The following ITPR2 variants were observed in gnomAD, a reference collection of about 807,000 sequenced individuals.
ITPR2 encodes inositol 1,4,5-trisphosphate receptor type 2.
Under a neutral mutation model 317.1 loss-of-function variants are expected in ITPR2, and 207 were observed. That is an observed-to-expected ratio of 0.65 (90% CI 0.58 to 0.73). The LOEUF (loss-of-function observed/expected upper bound fraction) is 0.73, where lower values mean the gene tolerates loss of function less well. Ranked by LOEUF, ITPR2 falls within the 30% of genes least tolerant of loss-of-function variation. ITPR2 has a pLI of 0.00. For missense variants in ITPR2, 2,613 were observed against 3,284.0 expected (o/e 0.80, Z 4.99); for synonymous variants, 1,156 against 1,149.1 (o/e 1.01, Z -0.12).
At chr12:26,790,273 C>G in intron 1 of ITPR2, 46 bp from the exon 2 acceptor site, 1 of 1,423,580 alleles carries the variant, frequency 7.0e-7, no homozygotes. Context: ...TTGTCATATT[C>G]ATAAACCACA....
rs1031536493 is a variant in ITPR2 at position 26,355,963 on chromosome 12, C to T, written c.7858-15635G>A. Among the ~76,000 whole-genome samples, 17 of 152,186 alleles carry T rather than the reference C, an allele frequency of 1.1e-4. 1 individual carries two copies. The highest frequency in any genetic ancestry group is 1.1e-3 in the Admixed American group (17 of 15,274). On this transcript the variant is annotated intron_variant, in intron 55 of 56. Coordinates refer to ENST00000381340, the MANE Select transcript of ITPR2 (RefSeq NM_002223.4). ...TTCCCATTAGCATCAGAGACCTAAA[C>T]ATTCTTCACTAGATTTTTCAAACAG...
chr12:26,683,782 C>T (rs1948079837), intron 11 of ITPR2, among the ~76,000 whole-genome samples: 1 of 152,214 alleles, frequency 6.6e-6, no homozygotes, highest in Non-Finnish European at 1.5e-5. Flanking sequence ...CCTAGAACTT[C>T]ATCCTACTCA....
intron 22 of ITPR2, 139 bp from the exon 23 acceptor site, chr12:26,628,301 A>G (rs1555168792): frequency 1.7e-6 from 1 of 588,544 alleles, no homozygotes; most frequent in Non-Finnish European, 2.9e-6. Flanking sequence ...CAGTTGCCAC[A>G]TGTTTGTCAG....
intron 26 of ITPR2, among the ~76,000 whole-genome samples, chr12:26,611,083 C>G (rs1359123560): frequency 6.6e-6 from 1 of 152,246 alleles, no homozygotes; most frequent in Non-Finnish European, 1.5e-5. Flanking sequence ...ACAAACTGTT[C>G]CGGCACCAGG....
At chr12:26,569,891 G>A (rs564703985) in intron 34 of ITPR2, among the ~76,000 whole-genome samples, 93 of 152,322 alleles carry the variant, frequency 6.1e-4, no homozygotes, top group Non-Finnish European at 1.3e-3. Context: ...GCATCCGTCA[G>A]AAGTGAAATA....
In ITPR2 at chr12:26,507,347, C is replaced by T. The variant is rs116837613; in HGVS notation, c.5074-12087G>A. ...AATTAAAGGGGCCAAGTACCAAATG[C>T]TTACCTTAGAAAGGGTCTTTTTAAG... On this transcript the variant is annotated intron_variant, in intron 37 of 56. Coordinates refer to ENST00000381340, the MANE Select transcript of ITPR2 (RefSeq NM_002223.4). Among the ~76,000 whole-genome samples the T allele has an allele frequency of 9.3e-3, 1,415 of 152,236 alleles. 28 individuals carry two copies. Among genetic ancestry groups the T allele is most frequent in the African/African-American group, 0.033 (1,361 of 41,538 alleles).
chr12:26,625,593 G>A (rs943333029), intron 23 of ITPR2, among the ~76,000 whole-genome samples: 4 of 152,068 alleles, frequency 2.6e-5, no homozygotes, highest in African/African-American at 9.7e-5. Context: ...ATGTATTGCT[G>A]TAATCAAAAA....
chr12:26,647,590 C>A (rs1215322516), intron 21 of ITPR2, among the ~76,000 whole-genome samples: 1 of 152,186 alleles, frequency 6.6e-6, no homozygotes, highest in Non-Finnish European at 1.5e-5. Context: ...CTATAAGTGA[C>A]AAAGAAGAAC....
intron 55 of ITPR2, among the ~76,000 whole-genome samples, chr12:26,347,083 T>C (rs926782722): frequency 5.9e-5 from 9 of 152,130 alleles, no homozygotes; most frequent in Non-Finnish European, 1.0e-4. Context: ...CAAGGCACAA[T>C]AGCAGCAAAT....
chr12:26,715,030 G>A (rs1948711738), intron 8 of ITPR2, among the ~76,000 whole-genome samples: 1 of 152,036 alleles, frequency 6.6e-6, no homozygotes, highest in African/African-American at 2.4e-5. Context: ...AAGTAAGATC[G>A]TAATGTACCT....
intron 21 of ITPR2, 152 bp from the exon 22 acceptor site, chr12:26,632,211 T>C (rs1217630334): frequency 2.1e-6 from 1 of 471,948 alleles, no homozygotes; most frequent in Non-Finnish European, 3.5e-6. Context: ...GCTCTTTCTT[T>C]ACAGATAAAA....
intron 13 of ITPR2, among the ~76,000 whole-genome samples, chr12:26,680,279 C>G (rs944008092): frequency 2.0e-5 from 3 of 152,082 alleles, no homozygotes; most frequent in African/African-American, 7.2e-5. Flanking sequence ...AAATAATTTT[C>G]TGTATATACA....
chr12:26,628,467 T>C (rs184453321), intron 22 of ITPR2, among the ~76,000 whole-genome samples: 14 of 152,330 alleles, frequency 9.2e-5, no homozygotes, highest in Admixed American at 2.6e-4. Context: ...GATGACGTCA[T>C]TTTACTGAAC....
At chr12:26,641,782 A>G (rs1056928142) in intron 21 of ITPR2, among the ~76,000 whole-genome samples, 4 of 152,340 alleles carry the variant, frequency 2.6e-5, no homozygotes, top group Admixed American at 2.0e-4. Flanking sequence ...TAAAAGGAAC[A>G]TGATCTAGTG....
chr12:26,353,416 T>C (rs1272200052), intron 55 of ITPR2, among the ~76,000 whole-genome samples: 4 of 152,226 alleles, frequency 2.6e-5, no homozygotes, highest in African/African-American at 7.2e-5. Flanking sequence ...TAGCCAGTGA[T>C]GGCACCAGAC....
chr12:26,633,285 C>T (rs1334241030), intron 21 of ITPR2, among the ~76,000 whole-genome samples: 1 of 152,094 alleles, frequency 6.6e-6, no homozygotes, highest in Non-Finnish European at 1.5e-5. Flanking sequence ...ACCATTAAGC[C>T]ACTGGTAAAG....
chr12:26,679,162 G>A (rs551689891), intron 13 of ITPR2, among the ~76,000 whole-genome samples: 1 of 152,154 alleles, frequency 6.6e-6, no homozygotes, highest in Non-Finnish European at 1.5e-5. Context: ...TTCTGCTTCC[G>A]GCCTTTATTC....
chr12:26,398,168 A>G (rs1940064900), intron 54 of ITPR2, among the ~76,000 whole-genome samples: 1 of 151,814 alleles, frequency 6.6e-6, no homozygotes. Flanking sequence ...TACACCTGCA[A>G]TCCCAGCACT....
At chr12:26,484,175 G>A (rs945007896) in intron 41 of ITPR2, among the ~76,000 whole-genome samples, 1 of 149,878 alleles carries the variant, frequency 6.7e-6, no homozygotes, top group African/African-American at 2.5e-5. Flanking sequence ...ACATATATGT[G>A]TATATATATA....
Sources: gnomAD v4.1 joint callset for allele counts (sites outside exome capture counted in the v4.1 genomes callset) on GRCh38, gnomAD v4.1.1 for gene constraint, MANE v1.5 for transcripts, NCBI Gene and HGNC (gene_info 2026-07-23, HGNC 2026-07-21) for gene names.